Variants in BRSK1 observed in about 807,000 individuals in gnomAD.
BRSK1 encodes the protein BR serine/threonine kinase 1, also known as serine/threonine-protein kinase BRSK1.
In BRSK1, 17 loss-of-function variants were observed where a neutral mutation model predicts 86.2. The ratio of observed to expected loss-of-function variants is 0.20; its 90% confidence interval spans 0.14 to 0.30. BRSK1 has a LOEUF of 0.30. BRSK1 is among the 10% of genes least tolerant of loss of function. The probability of loss-of-function intolerance (pLI) is 1.00; values close to 1 mark genes in which losing one functional copy is unlikely to be tolerated. For missense variants in BRSK1, 719 were observed against 1,071.9 expected, an observed-to-expected ratio of 0.67 and a Z score of 4.60; for synonymous variants, 464 against 440.1, an observed-to-expected ratio of 1.05 and a Z score of -0.68.
intron 14 of BRSK1, 104 bp downstream of exon 14, chr19:55,305,024 G>GGGCCTGGA: frequency 6.6e-7 from 1 of 1,507,642 alleles, no homozygotes; most frequent in South Asian, 1.2e-5. Flanking sequence ...AAGGGACTGG[G>GGGCCTGGA]GGCCTGGATT....
In BRSK1 at chr19:55,310,014, A is replaced by C. The variant is rs536843555; in HGVS notation, c.2179+1286A>C. Among the ~76,000 whole-genome samples, 17 of 152,320 alleles carry C rather than the reference A, an allele frequency of 1.1e-4. 1 individual carries two copies. In the South Asian group the frequency reaches 3.3e-3, roughly 30 times the overall value. ...CGGCCCAGCGTTGAGGCCAGGAGCCAGGGCAGCTTTGGCCTTGTCACCAGA... is the reference window on the plus strand; with the variant it reads ...CGGCCCAGCGTTGAGGCCAGGAGCCCGGGCAGCTTTGGCCTTGTCACCAGA... On this transcript the variant is annotated intron_variant, in intron 18 of 18. Transcript: ENST00000309383. This position sits in a 1 kb window ranked among gnomAD's most constrained non-coding sequence, Gnocchi z 5.0.
At chr19:55,295,398 C>T (rs2088471436) in intron 7 of BRSK1, among the ~76,000 whole-genome samples, 1 of 152,184 alleles carries the variant, frequency 6.6e-6, no homozygotes, top group South Asian at 2.1e-4. Context: ...GTTGGGATTA[C>T]ATGCGTGAGG....
At position 55,304,139 on chromosome 19, in the gene BRSK1, G is replaced by C; in HGVS notation, c.1347+29G>C. Reference sequence around the variant, plus strand: ...AGGCCAGGTCCCCAGTGGGATTTAAGAAGGAGAAAGGGGTGGAGACATGGA... The same window carrying C: ...AGGCCAGGTCCCCAGTGGGATTTAACAAGGAGAAAGGGGTGGAGACATGGA... On this transcript the variant is annotated intron_variant, in intron 13 of 18. Transcript: ENST00000309383. This position sits in a 1 kb window ranked among gnomAD's most constrained non-coding sequence, Gnocchi z 5.2. 6.3e-7 allele frequency: 1 copy of C among 1,599,356 alleles called. No individual in the cohort carries two copies. Among genetic ancestry groups the C allele is most frequent in the African/African-American group, 1.3e-5 (1 of 74,612 alleles).
chr19:55,295,568 C>T (rs1405503188), intron 7 of BRSK1, among the ~76,000 whole-genome samples: 1 of 152,182 alleles, frequency 6.6e-6, no homozygotes, highest in Non-Finnish European at 1.5e-5. Context: ...ATGGGATAGT[C>T]TCCAGGAAGA....
Position 55,304,433 on chromosome 19 carries a change from G to A in BRSK1, c.1348-118G>A. On this transcript the variant is annotated intron_variant, in intron 13 of 18. Coordinates refer to ENST00000309383, the MANE Select transcript of BRSK1 (RefSeq NM_032430.2). This position sits in a 1 kb window ranked among gnomAD's most constrained non-coding sequence, Gnocchi z 5.2. Reference sequence around the variant, plus strand: ...TGGGGCCTGGGAAGGAGGATACTTGGACTACAAGTTGCAGCATGCACCGGG... The same window carrying A: ...TGGGGCCTGGGAAGGAGGATACTTGAACTACAAGTTGCAGCATGCACCGGG... 8.2e-7 allele frequency: 1 copy of A among 1,226,796 alleles called. No individual in the cohort carries two copies. The highest frequency in any genetic ancestry group is 1.1e-6 in the Non-Finnish European group (1 of 908,082). The allele number at this position is 1,226,796 out of a possible 1,614,324, so 76.0% of individuals were successfully genotyped here.
At chr19:55,299,587 C>T (rs980952563) in intron 7 of BRSK1, among the ~76,000 whole-genome samples, 3 of 151,950 alleles carry the variant, frequency 2.0e-5, no homozygotes, top group Admixed American at 1.3e-4. Context: ...GGTTTCACCA[C>T]GTTGGCCAGG....
At chr19:55,297,195 G>C (rs1357466220) in intron 7 of BRSK1, among the ~76,000 whole-genome samples, 1 of 151,776 alleles carries the variant, frequency 6.6e-6, no homozygotes, top group Non-Finnish European at 1.5e-5. Flanking sequence ...TCCTGCCTCA[G>C]CCTCCCAAGT....
At chr19:55,293,897 G>A in intron 4 of BRSK1, 120 bp from the exon 5 acceptor site, 1 of 710,826 alleles carries the variant, frequency 1.4e-6, no homozygotes, top group Non-Finnish European at 2.3e-6. Flanking sequence ...ATAATAAATG[G>A]TCTCTCATCC....
Position 55,302,883 on chromosome 19 carries a change from C to T in BRSK1, c.1028+16C>T. ...GCAGTGAGGAGTAAGACCCCAAGAC[C>T]CCTGCACCCGTGTACCCACGTGGGG... is the stretch of plus-strand genomic sequence containing the variant. On this transcript the variant is annotated intron_variant, in intron 10 of 18. Coordinates refer to ENST00000309383, the MANE Select transcript of BRSK1 (RefSeq NM_032430.2). The surrounding 1 kb of genome is among the most constrained non-coding windows in gnomAD (Gnocchi z 6.3). 1.9e-6 allele frequency: 3 copies of T among 1,607,026 alleles called. No homozygotes were observed. The highest frequency in any genetic ancestry group is 2.6e-6 in the Non-Finnish European group (3 of 1,175,330).
Position 55,284,171 on chromosome 19 carries a change from C to A in BRSK1, c.-272C>A. ...GGGGGGAGGCGCAGGAAGCGGGGGG[C>A]CGGCCAGAAACGGGCTGGGGAGGGG... On this transcript the variant is annotated 5_prime_UTR_variant, in exon 1 of 19. Coordinates refer to ENST00000309383, the MANE Select transcript of BRSK1 (RefSeq NM_032430.2). The A allele has an allele frequency of 9.7e-7, 1 of 1,033,944 alleles. No homozygotes were observed. Among genetic ancestry groups the A allele is most frequent in the Non-Finnish European group, 1.2e-6 (1 of 808,970 alleles). 64.0% of individuals were successfully genotyped at this position (1,033,944 alleles called of 1,614,324 possible).
chr19:55,285,642 G>A (rs769176866), intron 1 of BRSK1, among the ~76,000 whole-genome samples: 1 of 152,152 alleles, frequency 6.6e-6, no homozygotes, highest in African/African-American at 2.4e-5. Context: ...CAGCAGGCGC[G>A]TCTCCTGGAG....
rs1375411879 is a variant in BRSK1 at position 55,294,983 on chromosome 19, G to A, written c.678+586G>A. ...TGCTTGGCTAATTTTTGTATCTTTA[G>A]TAGAGACGGGGTTTCACCATGTTGG... On this transcript the variant is annotated intron_variant, in intron 7 of 18. Coordinates refer to ENST00000309383, the MANE Select transcript of BRSK1 (RefSeq NM_032430.2). The surrounding 1 kb of genome is among the most constrained non-coding windows in gnomAD (Gnocchi z 4.9). 1.3e-5 allele frequency among the ~76,000 whole-genome samples: 2 copies of A among 152,152 alleles called. No individual in the cohort carries two copies. Among genetic ancestry groups the A allele is most frequent in the East Asian group, 1.9e-4 (1 of 5,178 alleles).
At chr19:55,305,012 G>A in intron 14 of BRSK1, 92 bp downstream of exon 14, 1 of 1,540,680 alleles carries the variant, frequency 6.5e-7, no homozygotes, top group Non-Finnish European at 8.7e-7. Flanking sequence ...TGTCTAGAGA[G>A]GAAGGGACTG....
chr19:55,284,144 G>C lies in BRSK1; in HGVS notation c.-299G>C. 3 of 1,147,740 alleles carry C rather than the reference G, an allele frequency of 2.6e-6. No individual in the cohort carries two copies. The highest frequency in any genetic ancestry group is 3.2e-5 in the East Asian group (1 of 31,110). The allele number at this position is 1,147,740 out of a possible 1,614,324, so 71.1% of individuals were successfully genotyped here. A position where few individuals can be genotyped will look rare whatever the true frequency, so the allele number is the denominator to read the frequency against. The stretch of plus-strand genomic sequence containing the variant: ...CCGGCCCGCACCTCAGACCCCCCCG[G>C]CGGGGGGAGGCGCAGGAAGCGGGGG... On this transcript the variant is annotated 5_prime_UTR_variant, in exon 1 of 19. Coordinates refer to ENST00000309383, the MANE Select transcript of BRSK1 (RefSeq NM_032430.2).
At position 55,305,338 on chromosome 19, in the gene BRSK1, A is replaced by G; in HGVS notation, c.1735A>G (p.Met579Val). The G allele has an allele frequency of 6.2e-7, 1 of 1,614,078 alleles. No homozygotes were observed. The highest frequency in any genetic ancestry group is 8.5e-7 in the Non-Finnish European group (1 of 1,180,008). ...RKMQVPTAEE[M>V]SSLTPESSPE... ...CCTACCAGTCCCTACCGCTGAGGAG[A>G]TGTCCAGCTTGACGCCAGAGTCCTC... The change falls in exon 15 of 19, where the codon ATG becomes GTG. Residue 579 changes from methionine to valine, a missense_variant. By Grantham distance (21) the Met-to-Val change is conservative (BLOSUM62 1). Transcript: ENST00000309383.
rs1216677239 is a variant in BRSK1, at chr19:55,304,710, C to T, written c.1507C>T (p.Pro503Ser). 1 of 1,498,470 alleles carries T rather than the reference C, an allele frequency of 6.7e-7. No homozygotes were observed. The highest frequency in any genetic ancestry group is 8.8e-7 in the Non-Finnish European group (1 of 1,130,098). 92.8% of individuals were successfully genotyped at this position (1,498,470 alleles called of 1,614,324 possible). Residue 503 changes from proline to serine, a missense_variant, in exon 14 of 19, where the codon CCC (proline) becomes TCC (serine). Physicochemically the swap from Pro to Ser is moderately conservative, Grantham distance 74 (BLOSUM62 -1). Transcript: ENST00000309383. The surrounding 1 kb of genome is among the most constrained non-coding windows in gnomAD (Gnocchi z 5.2). ...PPPSARSTPL[P>S]GPPGSPRSSG... ...CCCCAGTGCCCGCTCCACACCCCTG[C>T]CCGGCCCCCCAGGCTCCCCGCGCTC... is the stretch of plus-strand genomic sequence containing the variant.
At chr19:55,308,396 A>T (rs962195617) in intron 17 of BRSK1, among the ~76,000 whole-genome samples, 2 of 107,396 alleles carry the variant, frequency 1.9e-5, no homozygotes, top group African/African-American at 1.2e-4. Flanking sequence ...AATAGTATCT[A>T]TTTGAATAGA....
intron 1 of BRSK1, among the ~76,000 whole-genome samples, chr19:55,285,703 G>A (rs1196475518): frequency 1.3e-5 from 2 of 152,154 alleles, no homozygotes; most frequent in Non-Finnish European, 2.9e-5. Context: ...GCTGGCCACC[G>A]GCCGCGGCCT....
intron 18 of BRSK1, among the ~76,000 whole-genome samples, chr19:55,311,450 AC>A (rs554533951): frequency 2.4e-4 from 37 of 151,380 alleles, no homozygotes; most frequent in African/African-American, 7.8e-4. Context: ...GGGGCCTGAG[AC>A]CCCCCCGACT....
Sources: gnomAD v4.1 joint callset for allele counts (sites outside exome capture counted in the v4.1 genomes callset) on GRCh38, gnomAD v4.1.1 for gene constraint, Gnocchi (gnomAD v3.1) non-coding constraint, MANE v1.5 for transcripts, NCBI Gene and HGNC (gene_info 2026-07-23, HGNC 2026-07-21) for gene names.